The following TAFA2 variants were observed in gnomAD, a reference collection of about 807,000 sequenced individuals.
TAFA2 encodes the protein chemokine-like protein TAFA-2.
A neutral mutation model predicts 18.8 loss-of-function variants in TAFA2; 7 were observed. That is an observed-to-expected ratio of 0.37 (90% CI 0.21 to 0.70). The LOEUF (loss-of-function observed/expected upper bound fraction) is 0.70, where lower values mean the gene tolerates loss of function less well. TAFA2 is among the 30% of genes least tolerant of loss of function. TAFA2 has a pLI of 0.53. For synonymous variants in TAFA2, 60 were observed against 54.2 expected, an observed-to-expected ratio of 1.11 and a Z score of -0.47; for missense variants, 122 against 158.1, an observed-to-expected ratio of 0.77 and a Z score of 1.23.
At chr12:61,982,041 A>G (rs1879652722) in intron 1 of TAFA2, among the ~76,000 whole-genome samples, 1 of 152,208 alleles carries the variant, frequency 6.6e-6, no homozygotes, top group African/African-American at 2.4e-5. Flanking sequence ...GAACCAACCC[A>G]AATGTCCATC....
At chr12:62,137,525 C>T (rs1320122519) in intron 1 of TAFA2, among the ~76,000 whole-genome samples, 2 of 152,116 alleles carry the variant, frequency 1.3e-5, no homozygotes, top group Non-Finnish European at 2.9e-5. Flanking sequence ...CTTTCCTTTA[C>T]CTTCTATTTC....
intron 2 of TAFA2, among the ~76,000 whole-genome samples, chr12:61,837,036 T>G (rs1254709691): frequency 1.3e-5 from 2 of 151,546 alleles, no homozygotes; most frequent in Non-Finnish European, 3.0e-5. Context: ...ACATTAAAAT[T>G]TAGAAAGTTT....
chr12:61,825,842 T>C (rs1431289734), intron 2 of TAFA2, among the ~76,000 whole-genome samples: 1 of 152,072 alleles, frequency 6.6e-6, no homozygotes, highest in Non-Finnish European at 1.5e-5. Flanking sequence ...CCTTTGAATA[T>C]AGCACATCTC....
At chr12:61,719,201 G>A (rs569063646) in intron 4 of TAFA2, among the ~76,000 whole-genome samples, 1 of 152,084 alleles carries the variant, frequency 6.6e-6, no homozygotes, top group Non-Finnish European at 1.5e-5. Flanking sequence ...TATAGTTTAA[G>A]TAATAGTAGC....
chr12:61,870,689 T>A (rs2121229785), intron 1 of TAFA2, among the ~76,000 whole-genome samples: 1 of 152,240 alleles, frequency 6.6e-6, no homozygotes, highest in South Asian at 2.1e-4. Context: ...GACTTCCAGC[T>A]AAATCTTACC....
intron 1 of TAFA2, among the ~76,000 whole-genome samples, chr12:61,907,095 A>G (rs1014194913): frequency 6.6e-6 from 1 of 152,250 alleles, no homozygotes; most frequent in African/African-American, 2.4e-5. Flanking sequence ...ATAGAAAAGA[A>G]AAACCCATTT....
chr12:61,752,565 A>G (rs548579993), intron 4 of TAFA2, among the ~76,000 whole-genome samples: 1 of 152,026 alleles, frequency 6.6e-6, no homozygotes, highest in Non-Finnish European at 1.5e-5. Context: ...AAAAGGTGTG[A>G]CACTTAGCTA....
chr12:62,123,723 C>A (rs1192782063), intron 1 of TAFA2, among the ~76,000 whole-genome samples: 1 of 149,016 alleles, frequency 6.7e-6, no homozygotes, highest in Non-Finnish European at 1.5e-5. Context: ...AACCCTCCCC[C>A]AACACACACA....
intron 1 of TAFA2, among the ~76,000 whole-genome samples, chr12:61,875,983 T>A (rs1452057708): frequency 6.6e-6 from 1 of 152,176 alleles, no homozygotes; most frequent in Non-Finnish European, 1.5e-5. Context: ...CTTTTATAGA[T>A]GGCTAAATCA....
intron 1 of TAFA2, among the ~76,000 whole-genome samples, chr12:61,962,561 T>C (rs577019553): frequency 6.6e-6 from 1 of 152,104 alleles, no homozygotes; most frequent in South Asian, 2.1e-4. Context: ...TTAAAACATA[T>C]ACACATTTTA....
intron 2 of TAFA2, among the ~76,000 whole-genome samples, chr12:61,828,336 A>T (rs1352320761): frequency 6.6e-6 from 1 of 151,902 alleles, no homozygotes; most frequent in African/African-American, 2.4e-5. Flanking sequence ...TTTTGTTACA[A>T]ATTCAAGAAT....
chr12:61,902,091 TAA>T (rs750989820), intron 1 of TAFA2, among the ~76,000 whole-genome samples: 2,439 of 116,412 alleles, frequency 0.021, 29 homozygotes, highest in African/African-American at 0.036. Context: ...GCAGGAATGT[TAA>T]AAAAAAAAAA....
chr12:61,854,729 T>C (rs1400575237), intron 2 of TAFA2, among the ~76,000 whole-genome samples: 1 of 152,122 alleles, frequency 6.6e-6, no homozygotes, highest in Non-Finnish European at 1.5e-5. Context: ...TAGAATTCCA[T>C]ACCCAGCCAA....
intron 2 of TAFA2, among the ~76,000 whole-genome samples, chr12:61,774,866 T>C (rs1480293595): frequency 2.0e-5 from 3 of 151,762 alleles, no homozygotes; most frequent in Admixed American, 6.6e-5. Flanking sequence ...ATAAAGACAT[T>C]GTCAAGAGAA....
rs1342825831 is a variant in TAFA2 at position 61,991,862 on chromosome 12, T to TA, written c.-1-124437dup. On this transcript the variant is annotated intron_variant, in intron 1 of 4. Coordinates refer to ENST00000416284, the MANE Select transcript of TAFA2 (RefSeq NM_178539.5). ...CCAACTGTCATTTCTCAAGGCTCCT[T>TA]ATACTCATCTATTCAGCAGAATTTG... Among the ~76,000 whole-genome samples the TA allele has an allele frequency of 5.3e-5, 8 of 152,312 alleles. No homozygotes were observed. The East Asian group carries it at 1.5e-3, about 29-fold the overall frequency.
chr12:62,072,010 TTACA>T (rs1289803733), intron 1 of TAFA2, among the ~76,000 whole-genome samples: 1 of 152,226 alleles, frequency 6.6e-6, no homozygotes, highest in Non-Finnish European at 1.5e-5. Flanking sequence ...ACTAAACTTC[TTACA>T]TTACATTTCA....
intron 1 of TAFA2, among the ~76,000 whole-genome samples, chr12:62,024,707 C>T (rs1306253503): frequency 6.6e-6 from 1 of 152,046 alleles, no homozygotes; most frequent in Non-Finnish European, 1.5e-5. Context: ...GCAAACTATA[C>T]ATCCAACAAA....
chr12:62,144,566 A>G (rs1230191853), intron 1 of TAFA2, among the ~76,000 whole-genome samples: 1 of 152,248 alleles, frequency 6.6e-6, no homozygotes, highest in Non-Finnish European at 1.5e-5. Context: ...TGGATACAGA[A>G]GCAGCCACAG....
In TAFA2 at chr12:61,975,884, C is replaced by G. The variant is rs1879415856; in HGVS notation, c.-1-108458G>C. Among the ~76,000 whole-genome samples, 3 of 150,218 alleles carry G rather than the reference C, an allele frequency of 2.0e-5. No homozygotes were observed. In the South Asian group the frequency reaches 6.3e-4, roughly 32 times the overall value. On this transcript the variant is annotated intron_variant, in intron 1 of 4. Transcript: ENST00000416284. Reference sequence around the variant, plus strand: ...AGTAGATCTCAAGTGTTCTTACAACCACATAAAAAGCAGAGGGGAGGAGGG... The same window carrying G: ...AGTAGATCTCAAGTGTTCTTACAACGACATAAAAAGCAGAGGGGAGGAGGG...
Sources: gnomAD v4.1 joint callset for allele counts (sites outside exome capture counted in the v4.1 genomes callset) on GRCh38, gnomAD v4.1.1 for gene constraint, MANE v1.5 for transcripts, NCBI Gene and HGNC (gene_info 2026-07-23, HGNC 2026-07-21) for gene names.